Variants in CEP170 observed in about 807,000 individuals in gnomAD.
The protein encoded by CEP170 is centrosomal protein 170.
A neutral mutation model predicts 151.9 loss-of-function variants in CEP170; 21 were observed. That is an observed-to-expected ratio of 0.14 (90% CI 0.10 to 0.20). CEP170 has a LOEUF of 0.20. Among genes scored for constraint, CEP170 ranks in the 10% least tolerant of loss-of-function variants. The probability of loss-of-function intolerance (pLI) is 1.00; values close to 1 mark genes in which losing one functional copy is unlikely to be tolerated. For missense variants in CEP170, 964 were observed against 1,892.9 expected (o/e 0.51, Z 9.11); for synonymous variants, 356 against 648.8 (o/e 0.55, Z 6.86).
intron 1 of CEP170, among the ~76,000 whole-genome samples, chr1:243,243,319 T>C (rs981590468): frequency 6.6e-6 from 1 of 151,956 alleles, no homozygotes; most frequent in Non-Finnish European, 1.5e-5. Context: ...CTCATGTAGG[T>C]AAAGAAGGGT....
At chr1:243,182,858 ATTTG>A (rs2059710751) in intron 10 of CEP170, among the ~76,000 whole-genome samples, 1 of 152,208 alleles carries the variant, frequency 6.6e-6, no homozygotes, top group South Asian at 2.1e-4. Flanking sequence ...TGGAGTTTAC[ATTTG>A]TTTGTGTCTC....
chr1:243,150,133 C>T (rs76109305), intron 14 of CEP170, among the ~76,000 whole-genome samples: 1 of 152,044 alleles, frequency 6.6e-6, no homozygotes, highest in Non-Finnish European at 1.5e-5. Context: ...AATCAGGGAA[C>T]GAGACTGATA....
At chr1:243,174,726 A>T (rs1375124908) in intron 10 of CEP170, among the ~76,000 whole-genome samples, 3 of 152,238 alleles carry the variant, frequency 2.0e-5, no homozygotes, top group Non-Finnish European at 4.4e-5. Flanking sequence ...AATACATGGA[A>T]GCACAATGTA....
Position 243,255,035 on chromosome 1 carries a change from C to T in CEP170, c.-42+5G>A, listed in dbSNP as rs1194654744. On this transcript the variant is annotated splice_donor_5th_base_variant and intron_variant, in intron 1 of 19. Transcript: ENST00000366542. ...CTACACCGAGCAGCCGATCGCATCA[C>T]TTACCCCTTACCGTGGAGAGAGGGA... 1 of 152,392 alleles carries T rather than the reference C, an allele frequency of 6.6e-6. No individual in the cohort carries two copies. Among genetic ancestry groups the T allele is most frequent in the Non-Finnish European group, 1.5e-5 (1 of 68,088 alleles). 9.4% of individuals were successfully genotyped at this position (152,392 alleles called of 1,614,324 possible).
rs778149025 is a variant in CEP170 at position 243,172,815 on chromosome 1, T to C, written c.1598A>G (p.Asn533Ser). ...ATGTTTTTCGTTGATAACAGGCCTATTATAATCCTGATTGTCATCTACTCC... is the reference window on the plus strand; with the variant it reads ...ATGTTTTTCGTTGATAACAGGCCTACTATAATCCTGATTGTCATCTACTCC... The part of the protein sequence containing the change: ...VFGVDDNQDY[N>S]RPVINEKHKD... Residue 533 changes from asparagine to serine, a missense_variant, in exon 11 of 20, where the codon AAT becomes AGT. Asn to Ser is a conservative substitution (Grantham distance 46). Transcript: ENST00000366542. The C allele has an allele frequency of 1.3e-5, 20 of 1,572,052 alleles. No individual in the cohort carries two copies. Among genetic ancestry groups the C allele is most frequent in the African/African-American group, 5.4e-5 (4 of 73,748 alleles).
chr1:243,250,645 G>A (rs982448247), intron 1 of CEP170, among the ~76,000 whole-genome samples: 2 of 152,072 alleles, frequency 1.3e-5, no homozygotes, highest in African/African-American at 4.8e-5. Flanking sequence ...TACTTAATAG[G>A]TGTTACTAAC....
chr1:243,170,599 G>C (rs555067175), intron 11 of CEP170, among the ~76,000 whole-genome samples: 20 of 151,966 alleles, frequency 1.3e-4, no homozygotes, highest in Admixed American at 6.5e-4. Flanking sequence ...TTCGAGACCA[G>C]CCTGGCCAAC....
intron 1 of CEP170, among the ~76,000 whole-genome samples, chr1:243,234,807 C>A (rs2064108853): frequency 6.6e-6 from 1 of 152,128 alleles, no homozygotes; most frequent in South Asian, 2.1e-4. Flanking sequence ...AAACATACAT[C>A]ATAGTAACTC....
chr1:243,233,930 C>T (rs1196656335), intron 1 of CEP170, among the ~76,000 whole-genome samples: 3 of 151,666 alleles, frequency 2.0e-5, no homozygotes, highest in Non-Finnish European at 4.4e-5. Flanking sequence ...AATAGTGCAC[C>T]ATATCACCCA....
At chr1:243,238,137 A>C (rs1356307981) in intron 1 of CEP170, among the ~76,000 whole-genome samples, 1 of 152,148 alleles carries the variant, frequency 6.6e-6, no homozygotes, top group East Asian at 1.9e-4. Flanking sequence ...ATTTCTGAGA[A>C]GGTGAAATAC....
Position 243,191,088 on chromosome 1 carries a change from T to C in CEP170, c.1038A>G (p.Leu346=), listed in dbSNP as rs1334629603. ...TAGAATCCTCTTCTGTTCTTTCCCA[T>C]AGCATTTGAGGAGGGTTGTTTTGTG... is the stretch of plus-strand genomic sequence containing the variant. The part of the protein sequence containing the change: ...WLAQNNPPQM[L]WERTEEDSKS... The change falls in exon 8 of 20, where the codon CTA becomes CTG. Residue 346 remains leucine (L), a synonymous_variant. Transcript: ENST00000366542. 1.9e-6 allele frequency: 3 copies of C among 1,613,020 alleles called. No homozygotes were observed. The highest frequency in any genetic ancestry group is 1.7e-5 in the Admixed American group (1 of 59,916).
intron 4 of CEP170, among the ~76,000 whole-genome samples, chr1:243,205,363 G>A (rs2061338071): frequency 6.6e-6 from 1 of 152,168 alleles, no homozygotes; most frequent in Non-Finnish European, 1.5e-5. Context: ...AACTTTTTCT[G>A]TAAAGGGCCA....
Position 243,166,086 on chromosome 1 carries a change from A to C in CEP170, c.1874T>G (p.Val625Gly). The C allele has an allele frequency of 6.2e-7, 1 of 1,612,968 alleles. No individual in the cohort carries two copies. The highest frequency in any genetic ancestry group is 8.5e-7 in the Non-Finnish European group (1 of 1,179,368). The change falls in exon 13 of 20, where the codon GTG becomes GGG. Residue 625 changes from valine (V) to glycine (G), a missense_variant. Physicochemically the swap from Val to Gly is moderately radical, Grantham distance 109 (BLOSUM62 -3). Coordinates refer to ENST00000366542, the MANE Select transcript of CEP170 (RefSeq NM_014812.3). Reference protein sequence around the residue: ...ETEISESGMTVRSTGSATSLA... With the variant: ...ETEISESGMTGRSTGSATSLA... ...GGAAGTTGCAGAGCCAGTACTTCTC[A>C]CTGTCATGCCAGACTCACTGATCTC...
At chr1:243,170,048 A>G (rs2058718444) in intron 11 of CEP170, among the ~76,000 whole-genome samples, 1 of 152,244 alleles carries the variant, frequency 6.6e-6, no homozygotes, top group African/African-American at 2.4e-5. Flanking sequence ...GAAAGCTACG[A>G]TGGAAACTTT....
At position 243,191,390 on chromosome 1, in the gene CEP170, T is replaced by C; in HGVS notation, c.736A>G (p.Lys246Glu). Residue 246 changes from lysine (K) to glutamate (E), a missense_variant, in exon 8 of 20, where the codon AAA (lysine) becomes GAA (glutamate). Coordinates refer to ENST00000366542, the MANE Select transcript of CEP170 (RefSeq NM_014812.3). ...REPSYFEIPT[K>E]EFQQPSQITE... ...ATTTGTGATGGTTGCTGGAATTCTTTTGTAGGGATTTCAAAATAACTTGGT... is the reference window on the plus strand; with the variant it reads ...ATTTGTGATGGTTGCTGGAATTCTTCTGTAGGGATTTCAAAATAACTTGGT... The C allele has an allele frequency of 7.0e-6, 11 of 1,580,894 alleles. No homozygotes were observed. Among genetic ancestry groups the C allele is most frequent in the Non-Finnish European group, 8.6e-6 (10 of 1,162,442 alleles).
At chr1:243,138,954 T>A (rs1371647108) in intron 16 of CEP170, among the ~76,000 whole-genome samples, 2 of 152,216 alleles carry the variant, frequency 1.3e-5, no homozygotes, top group African/African-American at 4.8e-5. Flanking sequence ...CCTATGTAGC[T>A]ACCTTTCCTC....
intron 3 of CEP170, among the ~76,000 whole-genome samples, chr1:243,215,131 T>C (rs2062151190): frequency 6.6e-6 from 1 of 151,842 alleles, no homozygotes; most frequent in South Asian, 2.1e-4. Context: ...CCCCAGTCAA[T>C]ACTCTTGTGA....
chr1:243,129,159 C>T (rs2054072389), intron 18 of CEP170, among the ~76,000 whole-genome samples: 1 of 152,054 alleles, frequency 6.6e-6, no homozygotes, highest in African/African-American at 2.4e-5. Flanking sequence ...ACACAAAAGG[C>T]TCCTCCTTCA....
rs1195635312 is a variant in CEP170 at position 243,164,657 on chromosome 1, G to A, written c.3303C>T (p.Ser1101=). 1 of 1,613,682 alleles carries A rather than the reference G, an allele frequency of 6.2e-7. No individual in the cohort carries two copies. Among genetic ancestry groups the A allele is most frequent in the Non-Finnish European group, 8.5e-7 (1 of 1,179,736 alleles). ...TLPRPRPTRT[S]LLRRARLGEA... ...CACCAAGTCGTGCTCTGCGCAAGAG[G>A]GAAGTCCTGGTAGGTCGTGGCCTTG... The change falls in exon 13 of 20, where the codon TCC becomes TCT. Residue 1101 remains serine (S), a synonymous_variant. Transcript: ENST00000366542.
Sources: allele counts gnomAD v4.1 joint callset (sites outside exome capture counted in the v4.1 genomes callset), GRCh38; gene constraint gnomAD v4.1.1; transcripts MANE v1.5; gene names NCBI Gene and HGNC (gene_info 2026-07-23, HGNC 2026-07-21).